PCDHGB2: variants seen among roughly 807,000 people sequenced by gnomAD.
PCDHGB2 encodes the protein protocadherin gamma-B2.
In PCDHGB2, 55 loss-of-function variants were observed where a neutral mutation model predicts 59.3. The ratio of observed to expected loss-of-function variants is 0.93; its 90% confidence interval spans 0.75 to 1.16. The LOEUF is 1.16. Among genes scored for constraint, PCDHGB2 ranks in the 50% most tolerant of loss-of-function variants. The pLI, the probability that PCDHGB2 is intolerant of heterozygous loss-of-function variation, is 0.00. For missense variants in PCDHGB2, 1,228 were observed against 1,198.5 expected, an observed-to-expected ratio of 1.02 and a Z score of -0.36; for synonymous variants, 516 against 512.0, an observed-to-expected ratio of 1.01 and a Z score of -0.11.
intron 1 of PCDHGB2, chr5:141,374,756 G>A (rs968410543): frequency 2.5e-6 from 4 of 1,612,954 alleles, no homozygotes; most frequent in Non-Finnish European, 2.5e-6. Flanking sequence ...CCGCTCAAGC[G>A]TCGCCCAAAT....
At position 141,491,222 on chromosome 5, in the gene PCDHGB2, C is replaced by A. The variant is rs1185734506; in HGVS notation, c.2422-3585C>A. 6.2e-7 allele frequency: 1 copy of A among 1,614,268 alleles called. No homozygotes were observed. Among genetic ancestry groups the A allele is most frequent in the East Asian group, 2.2e-5 (1 of 44,892 alleles). On this transcript the variant is annotated intron_variant, in intron 1 of 3. Transcript: ENST00000522605. This position sits in a 1 kb window ranked among gnomAD's most constrained non-coding sequence, Gnocchi z 6.9. Reference sequence around the variant, plus strand: ...GACCCTTCACTCTCCTCCACAGCCACAGTGCTGCTGGTTCTGGAGGATGAG... The same window carrying A: ...GACCCTTCACTCTCCTCCACAGCCAAAGTGCTGCTGGTTCTGGAGGATGAG...
At chr5:141,414,861 T>C in intron 1 of PCDHGB2, 1 of 1,614,118 alleles carries the variant, frequency 6.2e-7, no homozygotes, top group Admixed American at 1.7e-5. Context: ...AGAACGACAA[T>C]GCGCCCGAGA....
At chr5:141,371,577 G>C (rs202142331) in intron 1 of PCDHGB2, 2 of 1,613,866 alleles carry the variant, frequency 1.2e-6, no homozygotes, top group Admixed American at 3.3e-5. Flanking sequence ...CTTTAAAATC[G>C]TTCAAGATAC....
At position 141,476,326 on chromosome 5, in the gene PCDHGB2, T is replaced by A. The variant is rs752845438; in HGVS notation, c.2422-18481T>A. Reference sequence around the variant, plus strand: ...CAGCCCGCAGGTTCCGGGTGGTGTCTGGAGCTAGCCGAAGATTCTTTGAGG... The same window carrying A: ...CAGCCCGCAGGTTCCGGGTGGTGTCAGGAGCTAGCCGAAGATTCTTTGAGG... On this transcript the variant is annotated intron_variant, in intron 1 of 3. Coordinates refer to ENST00000522605, the MANE Select transcript of PCDHGB2 (RefSeq NM_018923.3). This position sits in a 1 kb window ranked among gnomAD's most constrained non-coding sequence, Gnocchi z 7.6. The A allele has an allele frequency of 6.2e-7, 1 of 1,614,120 alleles. No individual in the cohort carries two copies. Among genetic ancestry groups the A allele is most frequent in the Non-Finnish European group, 8.5e-7 (1 of 1,180,034 alleles).
rs142172414 is a variant in PCDHGB2, at chr5:141,477,145, G to A, written c.2422-17662G>A. On this transcript the variant is annotated intron_variant, in intron 1 of 3. Coordinates refer to ENST00000522605, the MANE Select transcript of PCDHGB2 (RefSeq NM_018923.3). The surrounding 1 kb of genome is among the most constrained non-coding windows in gnomAD (Gnocchi z 4.9). ...ATTGCAAAGTGTTGGTGGAGGTTGT[G>A]GATGTGAATGACAACGCCCCGGAGA... The A allele has an allele frequency of 3.7e-6, 6 of 1,614,054 alleles. No homozygotes were observed. The African/African-American group carries it at 8.0e-5, about 22-fold the overall frequency.
intron 1 of PCDHGB2, chr5:141,388,947 A>T: frequency 6.2e-7 from 1 of 1,614,054 alleles, no homozygotes; most frequent in Non-Finnish European, 8.5e-7. Context: ...CAACCTAATT[A>T]TGGAGGACGC....
At position 141,427,736 on chromosome 5, in the gene PCDHGB2, A is replaced by G. The variant is rs781594851; in HGVS notation, c.2421+65180A>G. 3.3e-6 allele frequency: 4 copies of G among 1,214,562 alleles called. No individual in the cohort carries two copies. In the South Asian group the frequency reaches 4.9e-5, roughly 15 times the overall value. The allele number at this position is 1,214,562 out of a possible 1,614,324, so 75.2% of individuals were successfully genotyped here. ...ACCTGGACCTAGGGCTGAATGGCCA[A>G]GTCTCCTACTCCATCGTTACCACTG... On this transcript the variant is annotated intron_variant, in intron 1 of 3. Coordinates refer to ENST00000522605, the MANE Select transcript of PCDHGB2 (RefSeq NM_018923.3).
At chr5:141,499,689 CTTTTTTTTTTT>C in intron 2 of PCDHGB2, among the ~76,000 whole-genome samples, 1 of 119,852 alleles carries the variant, frequency 8.3e-6, no homozygotes, top group Non-Finnish European at 1.7e-5. Context: ...TAACAGATGA[CTTTTTTTTTTT>C]TTTTTTTTTT....
chr5:141,510,905 C>T lies in PCDHGB2; in HGVS notation c.2570-42C>T. 4 of 1,613,538 alleles carry T rather than the reference C, an allele frequency of 2.5e-6. No homozygotes were observed. In the South Asian group the frequency reaches 4.4e-5, roughly 18 times the overall value. ...GATATAAGACAGTGACTGTTGAGGA[C>T]CCTAAGTTTAGCTCCCACCTGATCT... On this transcript the variant is annotated intron_variant, in intron 3 of 3. Coordinates refer to ENST00000522605, the MANE Select transcript of PCDHGB2 (RefSeq NM_018923.3).
Position 141,432,794 on chromosome 5 carries a change from G to C in PCDHGB2, c.2422-62013G>C. 3 of 1,614,138 alleles carry C rather than the reference G, an allele frequency of 1.9e-6. No homozygotes were observed. The highest frequency in any genetic ancestry group is 1.7e-5 in the Admixed American group (1 of 60,026). ...AGTCCTGGCGGACCTCGGCAGCCTC[G>C]AGTCTCCAGCTAACTCTGAAACCTC... On this transcript the variant is annotated intron_variant, in intron 1 of 3. Coordinates refer to ENST00000522605, the MANE Select transcript of PCDHGB2 (RefSeq NM_018923.3). The surrounding 1 kb of genome is among the most constrained non-coding windows in gnomAD (Gnocchi z 6.0).
intron 1 of PCDHGB2, chr5:141,374,487 A>G: frequency 6.2e-7 from 1 of 1,611,648 alleles, no homozygotes; most frequent in Non-Finnish European, 8.5e-7. Context: ...CGATTCTTAA[A>G]GGAAGAATTG....
At position 141,447,140 on chromosome 5, in the gene PCDHGB2, T is replaced by C. The variant is rs770212881; in HGVS notation, c.2422-47667T>C. ...ATGGATTTTTTTGTTTGTTTGTTTT[T>C]TGTTTTTGTTTTTGTTTAAGCGGGG... On this transcript the variant is annotated intron_variant, in intron 1 of 3. Coordinates refer to ENST00000522605, the MANE Select transcript of PCDHGB2 (RefSeq NM_018923.3). Among the ~76,000 whole-genome samples the C allele has an allele frequency of 6.6e-5, 10 of 152,158 alleles. 1 individual carries two copies. Among genetic ancestry groups the C allele is most frequent in the Non-Finnish European group, 1.2e-4 (8 of 68,042 alleles).
chr5:141,437,331 A>T (rs2097876062), intron 1 of PCDHGB2, among the ~76,000 whole-genome samples: 1 of 152,244 alleles, frequency 6.6e-6, no homozygotes, highest in South Asian at 2.1e-4. Context: ...TAAAATTTGT[A>T]GCTTCACTGT....
intron 1 of PCDHGB2, chr5:141,426,796 T>C (rs1053668481): frequency 8.8e-6 from 4 of 456,720 alleles, no homozygotes. Context: ...AGTTACCAGC[T>C]CAGTTCTAAT....
At chr5:141,462,503 A>G (rs1338834436) in intron 1 of PCDHGB2, among the ~76,000 whole-genome samples, 1 of 152,060 alleles carries the variant, frequency 6.6e-6, no homozygotes, top group East Asian at 1.9e-4. Context: ...ATAATTGTCA[A>G]CTAGATCAAG....
chr5:141,500,043 T>A (rs1240979831), intron 2 of PCDHGB2, among the ~76,000 whole-genome samples: 1 of 152,048 alleles, frequency 6.6e-6, no homozygotes, highest in East Asian at 1.9e-4. Flanking sequence ...CTCTTAAGTA[T>A]CTTAATGCTC....
rs1187459113 is a variant in PCDHGB2 at position 141,487,187 on chromosome 5, G to A, written c.2422-7620G>A. On this transcript the variant is annotated intron_variant, in intron 1 of 3. Coordinates refer to ENST00000522605, the MANE Select transcript of PCDHGB2 (RefSeq NM_018923.3). This position sits in a 1 kb window ranked among gnomAD's most constrained non-coding sequence, Gnocchi z 5.0. The stretch of plus-strand genomic sequence containing the variant: ...GTCCTTAGAGGAAGACACTCATCCA[G>A]TTGTCCCAGATCTTCGAGAATCTTC... 1.2e-6 allele frequency: 2 copies of A among 1,613,826 alleles called. No homozygotes were observed. Among genetic ancestry groups the A allele is most frequent in the Admixed American group, 3.3e-5 (2 of 60,024 alleles).
chr5:141,392,897 G>T (rs2150498343), intron 1 of PCDHGB2: 6 of 1,613,776 alleles, frequency 3.7e-6, no homozygotes, highest in Non-Finnish European at 5.1e-6. Flanking sequence ...AAATCGGGAG[G>T]GGACAGATTC....
At position 141,361,669 on chromosome 5, in the gene PCDHGB2, G is replaced by A. The variant is rs536902009; in HGVS notation, c.1534G>A (p.Gly512Arg). 8.7e-6 allele frequency: 14 copies of A among 1,613,690 alleles called. No homozygotes were observed. Among genetic ancestry groups the A allele is most frequent in the Non-Finnish European group, 1.2e-5 (14 of 1,179,908 alleles). The change falls in exon 1 of 4, where the codon GGG (glycine) becomes AGG (arginine). Residue 512 changes from glycine to arginine, a missense_variant. Physicochemically the swap from Gly to Arg is moderately radical, Grantham distance 125 (BLOSUM62 -2). Coordinates refer to ENST00000522605, the MANE Select transcript of PCDHGB2 (RefSeq NM_018923.3). The part of the protein sequence containing the change: ...LSYVSVSAQS[G>R]VVFAQRAFDH... ...CTACGTGTCCGTGAGCGCGCAGAGC[G>A]GGGTGGTGTTCGCGCAGCGCGCCTT...
Sources: gnomAD v4.1 joint callset for allele counts (sites outside exome capture counted in the v4.1 genomes callset) on GRCh38, gnomAD v4.1.1 for gene constraint, Gnocchi (gnomAD v3.1) non-coding constraint, MANE v1.5 for transcripts, NCBI Gene and HGNC (gene_info 2026-07-23, HGNC 2026-07-21) for gene names.